TP53INP1: variants seen among roughly 807,000 people sequenced by gnomAD.
The protein encoded by TP53INP1 is tumor protein p53 inducible nuclear protein 1.
TP53INP1 carries 12 observed loss-of-function variants against 21.0 expected under a neutral mutation model. The ratio of observed to expected loss-of-function variants is 0.57; its 90% confidence interval spans 0.37 to 0.93. TP53INP1 has a LOEUF of 0.93. Among genes scored for constraint, TP53INP1 ranks in the 40% least tolerant of loss-of-function variants. The probability of loss-of-function intolerance (pLI) is 0.01; values close to 1 mark genes in which losing one functional copy is unlikely to be tolerated. For missense variants in TP53INP1, 274 were observed against 294.7 expected, an observed-to-expected ratio of 0.93 and a Z score of 0.51; for synonymous variants, 91 against 94.8, an observed-to-expected ratio of 0.96 and a Z score of 0.23.
chr8:94,932,341 T>C (rs1355034391), intron 3 of TP53INP1, among the ~76,000 whole-genome samples: 2 of 152,224 alleles, frequency 1.3e-5, no homozygotes, highest in East Asian at 3.8e-4. Flanking sequence ...CACCTCAATT[T>C]TCTGTGCTTT....
At chr8:94,946,173 T>C (rs1372281704) in intron 1 of TP53INP1, among the ~76,000 whole-genome samples, 1 of 152,170 alleles carries the variant, frequency 6.6e-6, no homozygotes, top group South Asian at 2.1e-4. Flanking sequence ...ATGCACTGTT[T>C]TGTATCTCAC....
intron 1 of TP53INP1, among the ~76,000 whole-genome samples, chr8:94,944,251 A>T (rs1319939498): frequency 6.6e-6 from 1 of 152,132 alleles, no homozygotes; most frequent in African/African-American, 2.4e-5. Context: ...TCCTGAACGA[A>T]TGCCTTGTCC....
At position 94,940,050 on chromosome 8, in the gene TP53INP1, T is replaced by A; in HGVS notation, c.283A>T (p.Ser95Cys). Residue 95 changes from serine to cysteine, a missense_variant, in exon 3 of 4, where the codon AGC becomes TGC. Ser to Cys is a moderately radical substitution (Grantham distance 112). Coordinates refer to ENST00000342697, the MANE Select transcript of TP53INP1 (RefSeq NM_033285.4). ...LQFESCPMEE[S>C]WFITPPPCFT... is the part of the protein sequence containing the mutation. The stretch of plus-strand genomic sequence containing the variant: ...CATGGGGGTGGGGTGATAAACCAGC[T>A]CTCCTCCATTGGACATGACTCAAAC... 1 of 1,614,142 alleles carries A rather than the reference T, an allele frequency of 6.2e-7. No individual in the cohort carries two copies. Among genetic ancestry groups the A allele is most frequent in the Non-Finnish European group, 8.5e-7 (1 of 1,180,018 alleles).
chr8:94,932,968 G>C (rs2956194), intron 3 of TP53INP1, among the ~76,000 whole-genome samples: 2 of 152,174 alleles, frequency 1.3e-5, no homozygotes, highest in South Asian at 2.1e-4. Flanking sequence ...TGTAATCCCA[G>C]AACTTTGGGA....
Position 94,930,655 on chromosome 8 carries a change from GA to G in TP53INP1, c.546del (p.Leu183TrpfsTer13). ...GGGCGAAAGCTCTTGGGTTGTTCCA[GA>G]AAAGTTGTATGAGCAGCAAGAGCTG... ...YVAALAAHTT[F>X]LEQPKSFRPS... On this transcript the variant is annotated frameshift_variant, in exon 4 of 4. Coordinates refer to ENST00000342697, the MANE Select transcript of TP53INP1 (RefSeq NM_033285.4). LOFTEE classifies it high-confidence loss of function. 1 of 1,614,228 alleles carries G rather than the reference GA, an allele frequency of 6.2e-7. No individual in the cohort carries two copies. The highest frequency in any genetic ancestry group is 8.5e-7 in the Non-Finnish European group (1 of 1,180,040).
intron 1 of TP53INP1, among the ~76,000 whole-genome samples, chr8:94,944,003 G>C (rs966534778): frequency 1.6e-4 from 25 of 152,204 alleles, no homozygotes; most frequent in African/African-American, 6.0e-4. Flanking sequence ...GTTATCATAA[G>C]GTCTGATGTA....
intron 1 of TP53INP1, among the ~76,000 whole-genome samples, chr8:94,941,814 G>C (rs764068374): frequency 3.3e-5 from 5 of 152,196 alleles, no homozygotes; most frequent in Non-Finnish European, 7.3e-5. Context: ...CTACCTTAGG[G>C]AGTTCTGGTG....
chr8:94,927,666 A>G lies in TP53INP1; in HGVS notation c.*2813T>C, dbSNP rs1422977958. 1.3e-5 allele frequency: 2 copies of G among 152,162 alleles called. No homozygotes were observed. The highest frequency in any genetic ancestry group is 2.9e-5 in the Non-Finnish European group (2 of 68,012). The allele number at this position is 152,162 out of a possible 1,614,324, so 9.4% of individuals were successfully genotyped here. On this transcript the variant is annotated 3_prime_UTR_variant, in exon 4 of 4. Coordinates refer to ENST00000342697, the MANE Select transcript of TP53INP1 (RefSeq NM_033285.4). Reference sequence around the variant, plus strand: ...CAATTAGTTGAGAAAAAAAATAAACATAAGATATATATTATAAAATGTTTT... The same window carrying G: ...CAATTAGTTGAGAAAAAAAATAAACGTAAGATATATATTATAAAATGTTTT...
chr8:94,934,819 T>A (rs1424873880), intron 3 of TP53INP1, among the ~76,000 whole-genome samples: 1 of 152,210 alleles, frequency 6.6e-6, no homozygotes, highest in Admixed American at 6.5e-5. Flanking sequence ...AAATTTTTGT[T>A]GGAATGCCTG....
At chr8:94,943,490 A>G (rs1292953279) in intron 1 of TP53INP1, among the ~76,000 whole-genome samples, 2 of 152,200 alleles carry the variant, frequency 1.3e-5, no homozygotes, top group African/African-American at 4.8e-5. Context: ...TTGTCTCAAA[A>G]AAAAGTTATA....
chr8:94,944,167 A>G (rs1412514337), intron 1 of TP53INP1, among the ~76,000 whole-genome samples: 1 of 152,214 alleles, frequency 6.6e-6, no homozygotes, highest in Non-Finnish European at 1.5e-5. Flanking sequence ...TCTGCAGAGC[A>G]TGGTGCTGGA....
In TP53INP1 at chr8:94,927,929, A is replaced by G. The variant is rs569167064; in HGVS notation, c.*2550T>C. 108 of 152,610 alleles carry G rather than the reference A, an allele frequency of 7.1e-4. No individual in the cohort carries two copies. The highest frequency in any genetic ancestry group is 2.5e-3 in the African/African-American group (102 of 41,556). 9.5% of individuals were successfully genotyped at this position (152,610 alleles called of 1,614,324 possible). On this transcript the variant is annotated 3_prime_UTR_variant, in exon 4 of 4. Coordinates refer to ENST00000342697, the MANE Select transcript of TP53INP1 (RefSeq NM_033285.4). ...TACAATAGCAAAAAAAAAAGCTCAT[A>G]AAATGCATTTTGGCCATGTTTCAGA...
chr8:94,927,577 T>G lies in TP53INP1; in HGVS notation c.*2902A>C, dbSNP rs1820004253. The G allele has an allele frequency of 6.6e-6, 1 of 152,160 alleles. No homozygotes were observed. The highest frequency in any genetic ancestry group is 2.4e-5 in the African/African-American group (1 of 41,426). 9.4% of individuals were successfully genotyped at this position (152,160 alleles called of 1,614,324 possible). A position where few individuals can be genotyped will look rare whatever the true frequency, so the allele number is the denominator to read the frequency against. ...AAAAAATTCCCCACCCAATCAACCA[T>G]ATAAATGCATTGCCACAGAAGATAA... On this transcript the variant is annotated 3_prime_UTR_variant, in exon 4 of 4. Transcript: ENST00000342697.
In TP53INP1 at chr8:94,932,718, G is replaced by C. The variant is rs1820540008; in HGVS notation, c.474-1990C>G. On this transcript the variant is annotated intron_variant, in intron 3 of 3. Coordinates refer to ENST00000342697, the MANE Select transcript of TP53INP1 (RefSeq NM_033285.4). ...CTCGGGAGGCTGAGGCAGGAGAACGGCATGAACCCAGGAGGCGGAGCTTGC... is the reference window on the plus strand; with the variant it reads ...CTCGGGAGGCTGAGGCAGGAGAACGCCATGAACCCAGGAGGCGGAGCTTGC... 2.6e-5 allele frequency among the ~76,000 whole-genome samples: 4 copies of C among 152,292 alleles called. No individual in the cohort carries two copies. The South Asian group carries it at 8.3e-4, about 32-fold the overall frequency.
intron 3 of TP53INP1, among the ~76,000 whole-genome samples, chr8:94,935,119 G>GTAGATAGATA (rs959014582): frequency 4.5e-4 from 52 of 115,842 alleles, no homozygotes; most frequent in African/African-American, 1.8e-3. Context: ...AGGTACATAG[G>GTAGATAGATA]TAGATAGATA....
chr8:94,945,323 G>T (rs933198186), intron 1 of TP53INP1, among the ~76,000 whole-genome samples: 6 of 152,064 alleles, frequency 3.9e-5, no homozygotes, highest in African/African-American at 1.4e-4. Context: ...CCCCCAAAAT[G>T]CAAAACAGTT....
intron 1 of TP53INP1, among the ~76,000 whole-genome samples, chr8:94,944,026 T>G (rs1471489803): frequency 1.3e-5 from 2 of 152,258 alleles, no homozygotes; most frequent in African/African-American, 4.8e-5. Flanking sequence ...TAAAGATTTT[T>G]GAGGATACAT....
chr8:94,947,507 GA>G (rs1197578288), intron 1 of TP53INP1, among the ~76,000 whole-genome samples: 2 of 152,142 alleles, frequency 1.3e-5, no homozygotes, highest in Admixed American at 6.5e-5. Flanking sequence ...ACCAAGCCAA[GA>G]AAGTTATCTC....
chr8:94,939,366 T>C (rs1821295411), intron 3 of TP53INP1, among the ~76,000 whole-genome samples: 1 of 152,208 alleles, frequency 6.6e-6, no homozygotes, highest in South Asian at 2.1e-4. Flanking sequence ...GGGGCCATGC[T>C]ACATCTAACT....
Sources: gnomAD v4.1 joint callset for allele counts (sites outside exome capture counted in the v4.1 genomes callset) on GRCh38, gnomAD v4.1.1 for gene constraint, MANE v1.5 for transcripts, NCBI Gene and HGNC (gene_info 2026-07-23, HGNC 2026-07-21) for gene names.